The following KANK1 variants were observed in gnomAD, a reference collection of about 807,000 sequenced individuals.
The protein encoded by KANK1 is KN motif and ankyrin repeat domain-containing protein 1.
Under a neutral mutation model 106.2 loss-of-function variants are expected in KANK1, and 109 were observed. The observed-to-expected ratio is 1.03, with a 90% CI of 0.88 to 1.20. KANK1 has a LOEUF of 1.20. Ranked by LOEUF, KANK1 falls within the 50% of genes most tolerant of loss-of-function variation. KANK1 has a pLI of 0.00. For missense variants in KANK1, 2,399 were observed against 1,710.7 expected (o/e 1.40, Z -7.10); for synonymous variants, 873 against 652.2 (o/e 1.34, Z -5.16).
chr9:553,881 A>G (rs1276145432), intron 1 of KANK1, among the ~76,000 whole-genome samples: 1 of 152,236 alleles, frequency 6.6e-6, no homozygotes, highest in Admixed American at 6.5e-5. Context: ...ATGAATGCTC[A>G]TTTAAAAAAA....
chr9:698,166 TG>T (rs1338798185), intron 2 of KANK1, among the ~76,000 whole-genome samples: 2 of 152,212 alleles, frequency 1.3e-5, no homozygotes, highest in African/African-American at 4.8e-5. Context: ...GGAAACAGCG[TG>T]CTGCCCGCCT....
intron 2 of KANK1, among the ~76,000 whole-genome samples, chr9:705,291 G>T (rs1823776859): frequency 6.6e-6 from 1 of 151,998 alleles, no homozygotes; most frequent in Non-Finnish European, 1.5e-5. Context: ...TTTGAGACCA[G>T]CCTGGCCAAC....
intron 1 of KANK1, among the ~76,000 whole-genome samples, chr9:589,553 CAG>C (rs997804794): frequency 2.4e-4 from 37 of 152,000 alleles, no homozygotes; most frequent in Admixed American, 1.4e-3. Context: ...AAGGGAAAAA[CAG>C]GGGGCCAGGA....
chr9:571,266 T>C (rs7030137), intron 1 of KANK1, among the ~76,000 whole-genome samples: 8,881 of 152,294 alleles, frequency 0.058, 857 homozygotes, highest in African/African-American at 0.2. Flanking sequence ...GATACAGTTA[T>C]GTATAAACCA....
chr9:739,233 C>A (rs965367365), intron 8 of KANK1, among the ~76,000 whole-genome samples: 1 of 152,102 alleles, frequency 6.6e-6, no homozygotes, highest in African/African-American at 2.4e-5. Flanking sequence ...CCACATAGAC[C>A]CCAAGTCTTT....
intron 1 of KANK1, among the ~76,000 whole-genome samples, chr9:520,124 G>A (rs2059477942): frequency 6.6e-6 from 1 of 151,646 alleles, no homozygotes; most frequent in African/African-American, 2.4e-5. Flanking sequence ...GATCGCTTGA[G>A]CCCAGGAATT....
rs111996455 is a variant in KANK1, at chr9:730,338, T to C, written c.2896+90T>C. On this transcript the variant is annotated intron_variant, in intron 4 of 11. Transcript: ENST00000382297. ...TTTAATGTCAATGTACCTTTTAAAT[T>C]GACCTGGAAGAAAGTTAATATCGTT... is the stretch of plus-strand genomic sequence containing the variant. The C allele has an allele frequency of 0.01, 13,362 of 1,293,578 alleles. 1,069 individuals are homozygous for C. The African/African-American group carries it at 0.17, about 17-fold the overall frequency. The allele number at this position is 1,293,578 out of a possible 1,614,324, so 80.1% of individuals were successfully genotyped here. A position where few individuals can be genotyped will look rare whatever the true frequency, so the allele number is the denominator to read the frequency against.
intron 3 of KANK1, among the ~76,000 whole-genome samples, chr9:716,239 A>G (rs1390050538): frequency 1.3e-5 from 2 of 152,232 alleles, no homozygotes; most frequent in Admixed American, 6.5e-5. Context: ...ACTAGAACAG[A>G]TTGTCTTTGT....
At chr9:586,447 G>T (rs1240548969) in intron 1 of KANK1, among the ~76,000 whole-genome samples, 1 of 152,174 alleles carries the variant, frequency 6.6e-6, no homozygotes, top group African/African-American at 2.4e-5. Flanking sequence ...CAGTGTGATA[G>T]GAGTGAAAAA....
At chr9:701,651 A>C (rs941782826) in intron 2 of KANK1, among the ~76,000 whole-genome samples, 1 of 152,070 alleles carries the variant, frequency 6.6e-6, no homozygotes, top group Non-Finnish European at 1.5e-5. Context: ...GCATTGCCAA[A>C]TGTCCCTTCG....
At chr9:703,076 C>T (rs1489548946) in intron 2 of KANK1, among the ~76,000 whole-genome samples, 1 of 152,122 alleles carries the variant, frequency 6.6e-6, no homozygotes, top group African/African-American at 2.4e-5. Context: ...ACTGTAGCCT[C>T]CGCCTCCCAG....
At chr9:472,314 T>C (rs2058036383) in intron 2 of KANK1, among the ~76,000 whole-genome samples, 1 of 152,244 alleles carries the variant, frequency 6.6e-6, no homozygotes, top group African/African-American at 2.4e-5. Context: ...TTTCTAACTC[T>C]TTCCACTTTC....
intron 3 of KANK1, among the ~76,000 whole-genome samples, chr9:480,969 C>T (rs2058193658): frequency 6.6e-6 from 1 of 152,182 alleles, no homozygotes; most frequent in Non-Finnish European, 1.5e-5. Context: ...CCAATAAACC[C>T]ACCTAAGTGA....
intron 1 of KANK1, among the ~76,000 whole-genome samples, chr9:664,511 G>C (rs746735221): frequency 2.0e-5 from 3 of 151,970 alleles, no homozygotes; most frequent in Non-Finnish European, 2.9e-5. Context: ...TGTCCAGGCT[G>C]GTCTCAAACT....
At chr9:545,937 A>C (rs182223963) in intron 1 of KANK1, among the ~76,000 whole-genome samples, 6 of 151,738 alleles carry the variant, frequency 4.0e-5, no homozygotes, top group African/African-American at 1.5e-4. Context: ...TAGTAGAGAC[A>C]GGGTTTTGCT....
At chr9:601,521 T>G (rs1403014554) in intron 1 of KANK1, among the ~76,000 whole-genome samples, 1 of 151,892 alleles carries the variant, frequency 6.6e-6, no homozygotes, top group Admixed American at 6.6e-5. Flanking sequence ...CTTTTTTTTG[T>G]TTTGAAAGAA....
At chr9:691,021 T>C (rs1819785295) in intron 2 of KANK1, among the ~76,000 whole-genome samples, 1 of 152,218 alleles carries the variant, frequency 6.6e-6, no homozygotes. Context: ...CAGATAGGTG[T>C]GTGTTTCTCT....
At chr9:739,885 A>T (rs1330064782) in intron 8 of KANK1, among the ~76,000 whole-genome samples, 2 of 151,996 alleles carry the variant, frequency 1.3e-5, no homozygotes, top group Non-Finnish European at 2.9e-5. Context: ...AGGAGCCCCG[A>T]AGCGCACACG....
chr9:742,990 C>A (rs1339931890), intron 10 of KANK1, among the ~76,000 whole-genome samples: 1 of 152,194 alleles, frequency 6.6e-6, no homozygotes. Context: ...AGTTCCCAGG[C>A]TGTCCACATT....
Sources: allele counts gnomAD v4.1 joint callset (sites outside exome capture counted in the v4.1 genomes callset), GRCh38; gene constraint gnomAD v4.1.1; transcripts MANE v1.5; gene names NCBI Gene and HGNC (gene_info 2026-07-23, HGNC 2026-07-21).